Variants in PAFAH1B1 observed in about 807,000 individuals in gnomAD.
PAFAH1B1 encodes platelet activating factor acetylhydrolase 1b regulatory subunit 1.
A neutral mutation model predicts 57.5 loss-of-function variants in PAFAH1B1; 2 were observed. The observed-to-expected ratio is 0.03, with a 90% confidence interval of 0.01 to 0.11. The LOEUF (loss-of-function observed/expected upper bound fraction) is 0.11, where lower values mean the gene tolerates loss of function less well. PAFAH1B1 is among the 10% of genes least tolerant of loss of function. PAFAH1B1 has a pLI of 1.00. For missense variants in PAFAH1B1, 257 were observed against 512.0 expected, an observed-to-expected ratio of 0.50 and a Z score of 4.81; for synonymous variants, 152 against 169.6, an observed-to-expected ratio of 0.90 and a Z score of 0.81.
intron 1 of PAFAH1B1, among the ~76,000 whole-genome samples, chr17:2,636,457 G>A (rs556228202): frequency 1.5e-4 from 23 of 152,188 alleles, no homozygotes; most frequent in South Asian, 2.1e-4. Flanking sequence ...TTCGTTTTTC[G>A]TTTGTTTGTT....
intron 1 of PAFAH1B1, among the ~76,000 whole-genome samples, chr17:2,635,731 G>A (rs2151632727): frequency 6.6e-6 from 1 of 152,062 alleles, no homozygotes; most frequent in East Asian, 1.9e-4. Context: ...AATTAAATTG[G>A]ACTCTGTAAT....
intron 1 of PAFAH1B1, among the ~76,000 whole-genome samples, chr17:2,602,632 T>G (rs1406894292): frequency 2.6e-5 from 4 of 152,204 alleles, no homozygotes; most frequent in Non-Finnish European, 5.9e-5. Flanking sequence ...TCTTGTCCGG[T>G]TAACGTCTTT....
intron 2 of PAFAH1B1, among the ~76,000 whole-genome samples, chr17:2,649,434 C>G (rs969568196): frequency 9.9e-5 from 15 of 151,538 alleles, no homozygotes; most frequent in Non-Finnish European, 1.6e-4. Context: ...TCTAGCCAGC[C>G]GTGGTGGTGC....
chr17:2,653,204 G>A (rs2068889075), intron 2 of PAFAH1B1, among the ~76,000 whole-genome samples: 1 of 152,084 alleles, frequency 6.6e-6, no homozygotes. Flanking sequence ...CTCACTCATA[G>A]GTGGGAATTG....
At chr17:2,681,309 T>C (rs1451132419) in intron 10 of PAFAH1B1, 1 of 156,054 alleles carries the variant, frequency 6.4e-6, no homozygotes, top group Non-Finnish European at 1.4e-5. Context: ...TATTGAGATG[T>C]TAATACAGGA....
intron 8 of PAFAH1B1, 68 bp from the exon 9 acceptor site, chr17:2,676,437 A>G (rs1233252947): frequency 2.1e-6 from 2 of 945,968 alleles, no homozygotes; most frequent in Non-Finnish European, 3.5e-6. Flanking sequence ...ATTATTAGAT[A>G]GAAGCCATTT....
intron 6 of PAFAH1B1, among the ~76,000 whole-genome samples, chr17:2,671,524 C>G (rs1477695551): frequency 6.7e-6 from 1 of 150,086 alleles, no homozygotes; most frequent in African/African-American, 2.5e-5. Flanking sequence ...CTTTAAGTTG[C>G]CTGTATCTTC....
rs369829467 is a variant in PAFAH1B1, at chr17:2,655,183, A to ATATGTGTG, written c.33-10188_33-10187insATGTGTGT. 6.3e-5 allele frequency among the ~76,000 whole-genome samples: 9 copies of ATATGTGTG among 143,930 alleles called. No homozygotes were observed. In the Admixed American group the frequency reaches 6.3e-4, roughly 10 times the overall value. The allele number at this position is 143,930 out of a possible 152,430, so 94.4% of individuals were successfully genotyped here. ...ATTTAAAAAATATATATATACATAT[A>ATATGTGTG]TGTGTGTGTGTGTGTGTGTGTGTGT... is the stretch of plus-strand genomic sequence containing the variant. On this transcript the variant is annotated intron_variant, in intron 2 of 10. Coordinates refer to ENST00000397195, the MANE Select transcript of PAFAH1B1 (RefSeq NM_000430.4).
intron 2 of PAFAH1B1, chr17:2,640,597 G>T (rs1297796860): frequency 6.6e-6 from 1 of 150,980 alleles, no homozygotes; most frequent in African/African-American, 2.4e-5. Flanking sequence ...AATTACAGGC[G>T]CACACCACCA....
chr17:2,646,282 A>G (rs1437922184), intron 2 of PAFAH1B1, among the ~76,000 whole-genome samples: 1 of 152,228 alleles, frequency 6.6e-6, no homozygotes, highest in African/African-American at 2.4e-5. Flanking sequence ...CCAATTTAAG[A>G]AAATTTATAA....
chr17:2,622,564 G>A (rs1397343542), intron 1 of PAFAH1B1, among the ~76,000 whole-genome samples: 2 of 152,152 alleles, frequency 1.3e-5, no homozygotes. Flanking sequence ...CATGGTCTTG[G>A]GCAGCTCTGC....
At chr17:2,607,099 C>T (rs959937502) in intron 1 of PAFAH1B1, among the ~76,000 whole-genome samples, 4 of 152,164 alleles carry the variant, frequency 2.6e-5, no homozygotes, top group African/African-American at 7.2e-5. Context: ...GCTGGGATTA[C>T]AGGCTTGAGC....
intron 1 of PAFAH1B1, among the ~76,000 whole-genome samples, chr17:2,600,042 C>G (rs1012479610): frequency 1.5e-5 from 2 of 132,932 alleles, no homozygotes; most frequent in African/African-American, 2.9e-5. Context: ...TGCAGTGTCT[C>G]GATCTCAGCT....
chr17:2,641,184 C>G (rs943381610), intron 2 of PAFAH1B1: 4 of 152,162 alleles, frequency 2.6e-5, no homozygotes, highest in Non-Finnish European at 5.9e-5. Flanking sequence ...GAGTCTCACT[C>G]TATTACCCAG....
At position 2,684,875 on chromosome 17, in the gene PAFAH1B1, TTC is replaced by T. The variant is rs2069451124; in HGVS notation, c.*3075_*3076del. The T allele has an allele frequency of 6.6e-6, 1 of 152,426 alleles. No homozygotes were observed. Among genetic ancestry groups the T allele is most frequent in the Admixed American group, 6.5e-5 (1 of 15,280 alleles). 9.4% of individuals were successfully genotyped at this position (152,426 alleles called of 1,614,324 possible). A position where few individuals can be genotyped will look rare whatever the true frequency, so the allele number is the denominator to read the frequency against. ...GTGCCCTGCTCTCCCGTTCGCCTCT[TTC>T]TGTTTCTGTGTGAACTTTCCCGGTA... On this transcript the variant is annotated 3_prime_UTR_variant, in exon 11 of 11. Coordinates refer to ENST00000397195, the MANE Select transcript of PAFAH1B1 (RefSeq NM_000430.4).
At chr17:2,619,534 C>CTGTTTTTTTTTT (rs1555521961) in intron 1 of PAFAH1B1, among the ~76,000 whole-genome samples, 3 of 149,190 alleles carry the variant, frequency 2.0e-5, no homozygotes, top group African/African-American at 7.6e-5. Flanking sequence ...TGGCCCTTAC[C>CTGTTTTTTTTTT]TGTTTTTTTT....
chr17:2,668,753 A>C (rs1455917806), intron 5 of PAFAH1B1, among the ~76,000 whole-genome samples: 1 of 152,018 alleles, frequency 6.6e-6, no homozygotes, highest in Non-Finnish European at 1.5e-5. Flanking sequence ...AGGTGGGTGG[A>C]TCATGAGGTC....
At chr17:2,610,729 G>C (rs2068258774) in intron 1 of PAFAH1B1, among the ~76,000 whole-genome samples, 1 of 152,202 alleles carries the variant, frequency 6.6e-6, no homozygotes, top group Admixed American at 6.5e-5. Flanking sequence ...ACAAGCTTGG[G>C]CTAGAGTTTC....
In PAFAH1B1 at chr17:2,682,158, TA is replaced by T. The variant is rs2069393684; in HGVS notation, c.*357del. 5.4e-6 allele frequency: 1 copy of T among 186,058 alleles called. No individual in the cohort carries two copies. The highest frequency in any genetic ancestry group is 1.1e-5 in the Non-Finnish European group (1 of 89,140). The allele number at this position is 186,058 out of a possible 1,614,324, so 11.5% of individuals were successfully genotyped here. A position where few individuals can be genotyped will look rare whatever the true frequency, so the allele number is the denominator to read the frequency against. ...TATTAATTCCTGTTTTTCTTTCTGC[TA>T]TCTGTTGGTGCCTGACTTGATGGCC... On this transcript the variant is annotated 3_prime_UTR_variant, in exon 11 of 11. Coordinates refer to ENST00000397195, the MANE Select transcript of PAFAH1B1 (RefSeq NM_000430.4).
Sources: allele counts gnomAD v4.1 joint callset (sites outside exome capture counted in the v4.1 genomes callset), GRCh38; gene constraint gnomAD v4.1.1; transcripts MANE v1.5; gene names NCBI Gene and HGNC (gene_info 2026-07-23, HGNC 2026-07-21).